Variants in GOLPH3 observed in about 807,000 individuals in gnomAD.
GOLPH3 encodes the protein coat protein GPP34.
GOLPH3 carries 14 observed loss-of-function variants against 28.5 expected under a neutral mutation model. The observed-to-expected ratio is 0.49, with a 90% confidence interval of 0.32 to 0.77. The LOEUF (loss-of-function observed/expected upper bound fraction) is 0.77, where lower values mean the gene tolerates loss of function less well. Among genes scored for constraint, GOLPH3 ranks in the 30% least tolerant of loss-of-function variants. The pLI, the probability that GOLPH3 is intolerant of heterozygous loss-of-function variation, is 0.03. For missense variants in GOLPH3, 350 were observed against 393.7 expected, an observed-to-expected ratio of 0.89 and a Z score of 0.94; for synonymous variants, 158 against 159.2, an observed-to-expected ratio of 0.99 and a Z score of 0.06.
At chr5:32,129,684 A>AATC (rs1387846889) in intron 3 of GOLPH3, among the ~76,000 whole-genome samples, 2 of 152,214 alleles carry the variant, frequency 1.3e-5, no homozygotes, top group African/African-American at 2.4e-5. Context: ...AGAAAAAAAG[A>AATC]ATCTTCAAGC....
chr5:32,154,139 T>C lies in GOLPH3; in HGVS notation c.226-10259A>G, dbSNP rs181324115. Among the ~76,000 whole-genome samples, 4 of 152,172 alleles carry C rather than the reference T, an allele frequency of 2.6e-5. No homozygotes were observed. The East Asian group carries it at 7.7e-4, about 29-fold the overall frequency. On this transcript the variant is annotated intron_variant, in intron 1 of 3. Transcript: ENST00000265070. ...GTGAATGAAACACAATGAATATATA[T>C]AAAACCGCAAGTCATAATTTTAAAA...
chr5:32,132,208 T>C (rs1365599123), intron 3 of GOLPH3, among the ~76,000 whole-genome samples: 1 of 152,184 alleles, frequency 6.6e-6, no homozygotes, highest in Non-Finnish European at 1.5e-5. Flanking sequence ...CTCAAACTTA[T>C]GTATACTAAT....
intron 3 of GOLPH3, among the ~76,000 whole-genome samples, chr5:32,127,433 C>A (rs749217528): frequency 7.2e-5 from 11 of 152,160 alleles, no homozygotes; most frequent in Non-Finnish European, 1.2e-4. Flanking sequence ...CCACAGGCAT[C>A]TTTTTTAAAT....
rs70961608 is a variant in GOLPH3, at chr5:32,155,956, CAAAAAAAAAAAAAAAAAAAAAAAAAAA to C, written c.226-12103_226-12077del. ...GGGCAACAAGAGTGAAACACTGTCT[CAAAAAAAAAAAAAAAAAAAAAAAAAAA>C]AAAAAAAAAAAGATTCTAACCCCCA... is the stretch of plus-strand genomic sequence containing the variant. On this transcript the variant is annotated intron_variant, in intron 1 of 3. Transcript: ENST00000265070. 3.8e-3 allele frequency among the ~76,000 whole-genome samples: 184 copies of C among 47,822 alleles called. 2 individuals carry two copies. The highest frequency in any genetic ancestry group is 6.4e-3 in the Non-Finnish European group (148 of 23,260). 31.4% of individuals were successfully genotyped at this position (47,822 alleles called of 152,430 possible). A position where few individuals can be genotyped will look rare whatever the true frequency, so the allele number is the denominator to read the frequency against.
At chr5:32,137,317 A>T (rs1745957884) in intron 2 of GOLPH3, among the ~76,000 whole-genome samples, 1 of 152,070 alleles carries the variant, frequency 6.6e-6, no homozygotes, top group Non-Finnish European at 1.5e-5. Context: ...AATTATCAAT[A>T]GCGTTGATTA....
chr5:32,138,704 G>A (rs549377215), intron 2 of GOLPH3, among the ~76,000 whole-genome samples: 2 of 152,194 alleles, frequency 1.3e-5, no homozygotes, highest in South Asian at 4.1e-4. Context: ...TGTATCCAGT[G>A]TATGTTTTTA....
chr5:32,152,353 C>T (rs1276641371), intron 1 of GOLPH3, among the ~76,000 whole-genome samples: 3 of 150,304 alleles, frequency 2.0e-5, no homozygotes, highest in Non-Finnish European at 3.0e-5. Flanking sequence ...TCTCGAACTC[C>T]TGACCGCGTG....
intron 2 of GOLPH3, among the ~76,000 whole-genome samples, chr5:32,139,144 T>C (rs1746003144): frequency 1.3e-5 from 2 of 152,246 alleles, no homozygotes; most frequent in African/African-American, 2.4e-5. Flanking sequence ...CTTGCCAATA[T>C]AGTCGGCCTT....
chr5:32,159,204 C>A (rs1746520993), intron 1 of GOLPH3, among the ~76,000 whole-genome samples: 1 of 152,108 alleles, frequency 6.6e-6, no homozygotes, highest in African/African-American at 2.4e-5. Context: ...TACTTGGGAC[C>A]CGAAGTGTTT....
intron 1 of GOLPH3, among the ~76,000 whole-genome samples, chr5:32,158,525 T>C (rs1746505802): frequency 6.6e-6 from 1 of 152,060 alleles, no homozygotes; most frequent in Non-Finnish European, 1.5e-5. Context: ...CCCTGCCCTA[T>C]CTCCTTTCCA....
intron 1 of GOLPH3, among the ~76,000 whole-genome samples, chr5:32,155,583 A>G (rs1216800550): frequency 6.6e-6 from 1 of 152,190 alleles, no homozygotes; most frequent in Non-Finnish European, 1.5e-5. Context: ...TGACTAAAGA[A>G]AGCCCTCAGC....
intron 1 of GOLPH3, among the ~76,000 whole-genome samples, chr5:32,159,682 C>T (rs1486166887): frequency 2.0e-5 from 3 of 152,122 alleles, no homozygotes; most frequent in Non-Finnish European, 4.4e-5. Flanking sequence ...GTAAGAAACA[C>T]GAAGGTTTTA....
chr5:32,171,816 T>TG (rs1746843751), intron 1 of GOLPH3, among the ~76,000 whole-genome samples: 1 of 151,954 alleles, frequency 6.6e-6, no homozygotes, highest in African/African-American at 2.4e-5. Flanking sequence ...GGCGTGGTGG[T>TG]GCATGCCTGT....
At chr5:32,156,803 G>A (rs1235570182) in intron 1 of GOLPH3, among the ~76,000 whole-genome samples, 1 of 152,202 alleles carries the variant, frequency 6.6e-6, no homozygotes, top group Non-Finnish European at 1.5e-5. Flanking sequence ...AGGCAGTAAT[G>A]CTCGCTTGCC....
chr5:32,145,837 T>C (rs188507706), intron 1 of GOLPH3, among the ~76,000 whole-genome samples: 163 of 152,240 alleles, frequency 1.1e-3, no homozygotes, highest in Admixed American at 2.4e-3. Context: ...CATGGGAAAG[T>C]AGATGAATGG....
intron 2 of GOLPH3, among the ~76,000 whole-genome samples, chr5:32,137,957 G>A (rs1745973096): frequency 6.9e-6 from 1 of 145,604 alleles, no homozygotes; most frequent in Admixed American, 7.0e-5. Context: ...AGCCTAGAGT[G>A]CAATGGCGTG....
intron 1 of GOLPH3, among the ~76,000 whole-genome samples, chr5:32,164,701 A>G (rs1489232989): frequency 6.6e-6 from 1 of 151,896 alleles, no homozygotes; most frequent in Non-Finnish European, 1.5e-5. Flanking sequence ...GGCCAAGAGT[A>G]CGATTCTTTC....
chr5:32,142,520 G>A (rs1427293132), intron 2 of GOLPH3, among the ~76,000 whole-genome samples: 1 of 149,654 alleles, frequency 6.7e-6, no homozygotes, highest in African/African-American at 2.5e-5. Flanking sequence ...CGGGAGGTGA[G>A]GGGCGCCTCT....
At chr5:32,154,875 G>A (rs1232994106) in intron 1 of GOLPH3, among the ~76,000 whole-genome samples, 1 of 152,140 alleles carries the variant, frequency 6.6e-6, no homozygotes, top group Non-Finnish European at 1.5e-5. Flanking sequence ...ACGAGGTCAG[G>A]AGTTCGAGAC....
Sources: allele counts gnomAD v4.1 joint callset (sites outside exome capture counted in the v4.1 genomes callset), GRCh38; gene constraint gnomAD v4.1.1; transcripts MANE v1.5; gene names NCBI Gene and HGNC (gene_info 2026-07-23, HGNC 2026-07-21).